The following GABRG3 variants were observed in gnomAD, a reference collection of about 807,000 sequenced individuals.
GABRG3 encodes gamma-aminobutyric acid type A receptor subunit gamma3.
In GABRG3, 25 loss-of-function variants were observed where a neutral mutation model predicts 48.8. The observed-to-expected ratio is 0.51, with a 90% CI of 0.37 to 0.72. The LOEUF is 0.72. Among genes scored for constraint, GABRG3 ranks in the 30% least tolerant of loss-of-function variants. The pLI is 0.00. For synonymous variants in GABRG3, 227 were observed against 217.6 expected, an observed-to-expected ratio of 1.04 and a Z score of -0.38; for missense variants, 394 against 577.9, an observed-to-expected ratio of 0.68 and a Z score of 3.26.
At chr15:27,145,545 A>C (rs2140392497) in intron 3 of GABRG3, among the ~76,000 whole-genome samples, 1 of 150,762 alleles carries the variant, frequency 6.6e-6, no homozygotes, top group Admixed American at 6.6e-5. Flanking sequence ...AAAAGTCAAC[A>C]GTCTCAGAGA....
chr15:27,060,675 G>C (rs1896629487), intron 3 of GABRG3, among the ~76,000 whole-genome samples: 1 of 152,226 alleles, frequency 6.6e-6, no homozygotes, highest in Admixed American at 6.5e-5. Flanking sequence ...GAGGCAGCAG[G>C]AGTCACGTCT....
At chr15:27,445,820 A>G (rs1049850803) in intron 5 of GABRG3, among the ~76,000 whole-genome samples, 1 of 152,172 alleles carries the variant, frequency 6.6e-6, no homozygotes. Flanking sequence ...ATATTTGCAT[A>G]TGGTGAGATG....
At chr15:27,508,777 G>A (rs1222825441) in intron 6 of GABRG3, among the ~76,000 whole-genome samples, 2 of 151,948 alleles carry the variant, frequency 1.3e-5, no homozygotes, top group African/African-American at 2.4e-5. Flanking sequence ...ACAGTGGCGT[G>A]ATCTCGGCTC....
intron 6 of GABRG3, among the ~76,000 whole-genome samples, chr15:27,485,274 A>G (rs1238978666): frequency 1.3e-5 from 2 of 152,192 alleles, no homozygotes; most frequent in Non-Finnish European, 1.5e-5. Flanking sequence ...CAATAATTAA[A>G]ATACCTATAA....
chr15:27,235,946 G>T (rs1366904567), intron 3 of GABRG3, among the ~76,000 whole-genome samples: 1 of 152,120 alleles, frequency 6.6e-6, no homozygotes, highest in Non-Finnish European at 1.5e-5. Context: ...TGCAGAGACG[G>T]ACACACCCTT....
chr15:27,517,804 C>T (rs1039594427), intron 6 of GABRG3, among the ~76,000 whole-genome samples: 8 of 152,130 alleles, frequency 5.3e-5, no homozygotes, highest in Non-Finnish European at 8.8e-5. Context: ...TTTTAGCATT[C>T]ACATTACATT....
chr15:27,155,219 T>A (rs1433410280), intron 3 of GABRG3, among the ~76,000 whole-genome samples: 1 of 152,200 alleles, frequency 6.6e-6, no homozygotes. Flanking sequence ...AATTTTTTAG[T>A]GCTAAGATTT....
At position 27,398,666 on chromosome 15, in the gene GABRG3, G is replaced by GCGCACACA. The variant is rs56278943; in HGVS notation, c.574+69779_574+69780insGCACACAC. On this transcript the variant is annotated intron_variant, in intron 5 of 9. Coordinates refer to ENST00000615808, the MANE Select transcript of GABRG3 (RefSeq NM_033223.5). Reference sequence around the variant, plus strand: ...TGGGTAGGGGAGATGACAAGCGCGCGCACACACACACACACACACACACCC... The same window carrying GCGCACACA: ...TGGGTAGGGGAGATGACAAGCGCGCGCGCACACACACACACACACACACACACACACCC... Among the ~76,000 whole-genome samples the GCGCACACA allele has an allele frequency of 2.9e-3, 424 of 147,302 alleles. 1 individual carries two copies. Among genetic ancestry groups the GCGCACACA allele is most frequent in the East Asian group, 0.024 (123 of 5,042 alleles).
At chr15:27,020,750 A>G (rs986822927) in intron 2 of GABRG3, among the ~76,000 whole-genome samples, 4 of 151,958 alleles carry the variant, frequency 2.6e-5, no homozygotes, top group Non-Finnish European at 5.9e-5. Context: ...TTTTTGAATG[A>G]ATGTTCATGG....
intron 5 of GABRG3, among the ~76,000 whole-genome samples, chr15:27,400,831 G>T (rs1454299323): frequency 6.6e-6 from 1 of 152,172 alleles, no homozygotes; most frequent in Non-Finnish European, 1.5e-5. Context: ...GTGCATTAGT[G>T]TAGGGACGTG....
At chr15:27,287,122 C>T (rs1891639263) in intron 3 of GABRG3, among the ~76,000 whole-genome samples, 1 of 152,124 alleles carries the variant, frequency 6.6e-6, no homozygotes, top group African/African-American at 2.4e-5. Context: ...GGTGTTGAAG[C>T]CCCCAGTTAC....
chr15:27,120,224 T>C (rs1237968548), intron 3 of GABRG3, among the ~76,000 whole-genome samples: 1 of 152,228 alleles, frequency 6.6e-6, no homozygotes, highest in African/African-American at 2.4e-5. Context: ...CCAGTATCAG[T>C]GTGAGCTGAG....
Position 26,976,504 on chromosome 15 carries a change from A to G in GABRG3, c.54-498A>G, listed in dbSNP as rs1173907766. On this transcript the variant is annotated intron_variant, in intron 1 of 9. Transcript: ENST00000615808. This position sits in a 1 kb window ranked among gnomAD's most constrained non-coding sequence, Gnocchi z 7.8. The stretch of plus-strand genomic sequence containing the variant: ...CTAGACCCCCAGATTCCCGCCTCCA[A>G]GAGAAGCACTGAGTCAGACTCAACT... 6.6e-6 allele frequency among the ~76,000 whole-genome samples: 1 copy of G among 152,124 alleles called. No individual in the cohort carries two copies. Among genetic ancestry groups the G allele is most frequent in the Non-Finnish European group, 1.5e-5 (1 of 68,024 alleles).
At chr15:27,043,741 A>G (rs1212276070) in intron 3 of GABRG3, among the ~76,000 whole-genome samples, 2 of 152,184 alleles carry the variant, frequency 1.3e-5, no homozygotes, top group East Asian at 1.9e-4. Context: ...AAGTACCCCA[A>G]TGCTTTGTGG....
In GABRG3 at chr15:27,199,591, C is replaced by T. The variant is rs148824847; in HGVS notation, c.271-127218C>T. 2.3e-3 allele frequency among the ~76,000 whole-genome samples: 345 copies of T among 152,152 alleles called. 4 individuals are homozygous for T. The highest frequency in any genetic ancestry group is 7.4e-3 in the African/African-American group (306 of 41,510). On this transcript the variant is annotated intron_variant, in intron 3 of 9. Coordinates refer to ENST00000615808, the MANE Select transcript of GABRG3 (RefSeq NM_033223.5). ...GGTGAATTCTTGTTCTATGAGTTTA[C>T]GAGAGAGCTGGTTAATTAGAAGAGC...
At chr15:27,202,970 A>G (rs1229273068) in intron 3 of GABRG3, among the ~76,000 whole-genome samples, 1 of 152,116 alleles carries the variant, frequency 6.6e-6, no homozygotes, top group Non-Finnish European at 1.5e-5. Context: ...CAGTACTTCT[A>G]CTAGGTTATC....
intron 3 of GABRG3, among the ~76,000 whole-genome samples, chr15:27,087,940 T>C: frequency 6.7e-6 from 1 of 148,524 alleles, no homozygotes; most frequent in Non-Finnish European, 1.5e-5. Context: ...TGTGATGTGC[T>C]GTGGTGTGTG....
At chr15:27,235,397 A>G (rs1206520722) in intron 3 of GABRG3, among the ~76,000 whole-genome samples, 1 of 150,608 alleles carries the variant, frequency 6.6e-6, no homozygotes, top group Non-Finnish European at 1.5e-5. Context: ...TGCCAGGGTT[A>G]TCTCTCAGTG....
rs933486880 is a variant in GABRG3, at chr15:27,540,066, C to T, written c.*7185C>T. ...TTTCTGAACTATAACGAAATCAGAA[C>T]TTACATCGTGGAAAAAGCGAAAAAG... On this transcript the variant is annotated 3_prime_UTR_variant, in exon 10 of 10. Coordinates refer to ENST00000615808, the MANE Select transcript of GABRG3 (RefSeq NM_033223.5). 1.3e-5 allele frequency: 2 copies of T among 152,150 alleles called. No homozygotes were observed. Among genetic ancestry groups the T allele is most frequent in the Admixed American group, 1.3e-4 (2 of 15,278 alleles). 9.4% of individuals were successfully genotyped at this position (152,150 alleles called of 1,614,324 possible). A position where few individuals can be genotyped will look rare whatever the true frequency, so the allele number is the denominator to read the frequency against.
Sources: gnomAD v4.1 joint callset for allele counts (sites outside exome capture counted in the v4.1 genomes callset) on GRCh38, gnomAD v4.1.1 for gene constraint, Gnocchi (gnomAD v3.1) non-coding constraint, MANE v1.5 for transcripts, NCBI Gene and HGNC (gene_info 2026-07-23, HGNC 2026-07-21) for gene names.